DCC: variants seen among roughly 807,000 people sequenced by gnomAD.
DCC encodes the protein netrin receptor DCC.
A neutral mutation model predicts 172.5 loss-of-function variants in DCC; 58 were observed. The ratio of observed to expected loss-of-function variants is 0.34; its 90% CI spans 0.27 to 0.42. DCC has a LOEUF of 0.42. Ranked by LOEUF, DCC falls within the 10% of genes least tolerant of loss-of-function variation. The pLI is 1.00. For missense variants in DCC, 1,740 were observed against 1,791.0 expected (o/e 0.97, Z 0.51); for synonymous variants, 709 against 644.5 (o/e 1.10, Z -1.52).
rs182571386 is a variant in DCC at position 52,349,273 on chromosome 18, G to A, written c.91+8395G>A. Among the ~76,000 whole-genome samples, 468 of 152,266 alleles carry A rather than the reference G, an allele frequency of 3.1e-3. 4 individuals carry two copies. Among genetic ancestry groups the A allele is most frequent in the African/African-American group, 0.011 (448 of 41,564 alleles). On this transcript the variant is annotated intron_variant, in intron 1 of 28. Transcript: ENST00000442544. The stretch of plus-strand genomic sequence containing the variant: ...CCCTGAATGAAATAAAGCCTCAGAT[G>A]TACTTGCAGAGGCCTCTGTAGTGTG...
intron 5 of DCC, among the ~76,000 whole-genome samples, chr18:52,946,437 C>T (rs776420364): frequency 7.9e-5 from 12 of 152,172 alleles, no homozygotes; most frequent in Non-Finnish European, 1.6e-4. Flanking sequence ...CTGTCTAACA[C>T]ACTACCTAAA....
At chr18:52,537,966 T>C (rs535227115) in intron 1 of DCC, among the ~76,000 whole-genome samples, 1 of 152,370 alleles carries the variant, frequency 6.6e-6, no homozygotes, top group South Asian at 2.1e-4. Context: ...ATTCAAATGT[T>C]ACACTTTTTG....
chr18:52,535,488 T>A (rs187804715), intron 1 of DCC, among the ~76,000 whole-genome samples: 2 of 152,286 alleles, frequency 1.3e-5, no homozygotes, highest in East Asian at 3.9e-4. Context: ...GAATATCTCT[T>A]GTTAATCAAG....
At chr18:53,067,056 G>A (rs1244184201) in intron 7 of DCC, among the ~76,000 whole-genome samples, 1 of 152,096 alleles carries the variant, frequency 6.6e-6, no homozygotes, top group Non-Finnish European at 1.5e-5. Flanking sequence ...CCCCCAACCA[G>A]GCCCCACCTC....
chr18:53,505,842 G>A (rs2046167684), intron 27 of DCC, among the ~76,000 whole-genome samples: 1 of 152,164 alleles, frequency 6.6e-6, no homozygotes, highest in Admixed American at 6.5e-5. Flanking sequence ...TTGTTTTCAA[G>A]GCAGTAAATA....
intron 1 of DCC, among the ~76,000 whole-genome samples, chr18:52,683,248 C>A (rs1400762188): frequency 6.6e-6 from 1 of 152,004 alleles, no homozygotes; most frequent in Non-Finnish European, 1.5e-5. Flanking sequence ...TTTTCTACTT[C>A]TTAAGGCTTT....
At chr18:52,540,285 T>A (rs1182638118) in intron 1 of DCC, among the ~76,000 whole-genome samples, 4 of 152,030 alleles carry the variant, frequency 2.6e-5, no homozygotes, top group East Asian at 1.9e-4. Flanking sequence ...AAAATTTTTT[T>A]AAATAATGAT....
At chr18:53,260,307 C>T (rs1440075733) in intron 12 of DCC, among the ~76,000 whole-genome samples, 1 of 152,104 alleles carries the variant, frequency 6.6e-6, no homozygotes, top group Non-Finnish European at 1.5e-5. Context: ...AGTTTTTCTG[C>T]TCTGTTTTTT....
At chr18:53,437,582 C>CAAAAA (rs74180424) in intron 22 of DCC, among the ~76,000 whole-genome samples, 1 of 20,836 alleles carries the variant, frequency 4.8e-5, no homozygotes, top group Non-Finnish European at 7.5e-5. Context: ...GGCTCCATCT[C>CAAAAA]AAAAAAAAAA....
intron 11 of DCC, among the ~76,000 whole-genome samples, chr18:53,211,574 A>T (rs1478579500): frequency 6.6e-6 from 1 of 152,020 alleles, no homozygotes; most frequent in Non-Finnish European, 1.5e-5. Context: ...ATACCAAAGA[A>T]TTAGCTGGGC....
chr18:53,524,633 T>C (rs2046435086), intron 27 of DCC, among the ~76,000 whole-genome samples: 1 of 152,072 alleles, frequency 6.6e-6, no homozygotes, highest in African/African-American at 2.4e-5. Context: ...CTTTTCCCTT[T>C]AAATTCCAAG....
At chr18:53,092,861 A>T (rs964174604) in intron 7 of DCC, among the ~76,000 whole-genome samples, 14 of 151,938 alleles carry the variant, frequency 9.2e-5, no homozygotes, top group Admixed American at 9.2e-4. Context: ...ATGAATTTCT[A>T]TTCAAACATG....
intron 7 of DCC, among the ~76,000 whole-genome samples, chr18:53,144,736 G>A (rs1309542870): frequency 6.6e-6 from 1 of 152,116 alleles, no homozygotes; most frequent in Non-Finnish European, 1.5e-5. Context: ...AGTCAAGTCA[G>A]GGGCTGGTGC....
At chr18:53,452,507 T>C (rs2045426649) in intron 23 of DCC, among the ~76,000 whole-genome samples, 1 of 152,176 alleles carries the variant, frequency 6.6e-6, no homozygotes, top group African/African-American at 2.4e-5. Flanking sequence ...TGTGCAAAAG[T>C]GGGATTTGGT....
chr18:53,310,852 G>T (rs1355067594), intron 13 of DCC, among the ~76,000 whole-genome samples: 4 of 152,056 alleles, frequency 2.6e-5, no homozygotes, highest in Non-Finnish European at 5.9e-5. Flanking sequence ...GAATTACAAA[G>T]CTTGAGGACA....
intron 2 of DCC, among the ~76,000 whole-genome samples, chr18:52,790,439 G>A (rs2037739972): frequency 6.6e-6 from 1 of 152,158 alleles, no homozygotes; most frequent in African/African-American, 2.4e-5. Flanking sequence ...GGAAGAGAGA[G>A]GCCAAAAGCC....
At chr18:52,693,715 C>G (rs899325847) in intron 1 of DCC, among the ~76,000 whole-genome samples, 1 of 151,876 alleles carries the variant, frequency 6.6e-6, no homozygotes, top group Non-Finnish European at 1.5e-5. Flanking sequence ...CCCAGAGAGC[C>G]AGGGACTGCT....
chr18:52,541,344 C>T (rs942079442), intron 1 of DCC, among the ~76,000 whole-genome samples: 1 of 152,152 alleles, frequency 6.6e-6, no homozygotes. Flanking sequence ...TATATCTTCT[C>T]ATTACCCTCA....
intron 21 of DCC, among the ~76,000 whole-genome samples, chr18:53,431,633 C>T (rs1230928363): frequency 2.0e-5 from 3 of 151,888 alleles, no homozygotes; most frequent in Admixed American, 1.3e-4. Context: ...TACAGGCATG[C>T]GCCACCGTGC....
Sources: allele counts gnomAD v4.1 joint callset (sites outside exome capture counted in the v4.1 genomes callset), GRCh38; gene constraint gnomAD v4.1.1; transcripts MANE v1.5; gene names NCBI Gene and HGNC (gene_info 2026-07-23, HGNC 2026-07-21).